Variants in CHD2 observed in about 807,000 individuals in gnomAD.
CHD2 encodes chromodomain helicase DNA binding protein 2.
In CHD2, 28 loss-of-function variants were observed where a neutral mutation model predicts 243.9. The observed-to-expected ratio is 0.11, with a 90% CI of 0.09 to 0.16. The LOEUF (loss-of-function observed/expected upper bound fraction) is 0.16. Ranked by LOEUF, CHD2 falls within the 10% of genes least tolerant of loss-of-function variation. The pLI is 1.00. For missense variants in CHD2, 1,386 were observed against 2,209.8 expected (o/e 0.63, Z 7.47); for synonymous variants, 775 against 779.0 (o/e 0.99, Z 0.09).
At position 92,900,356 on chromosome 15, in the gene CHD2, T is replaced by G; in HGVS notation, c.-540T>G. 2.6e-6 allele frequency: 1 copy of G among 388,160 alleles called. No homozygotes were observed. Among genetic ancestry groups the G allele is most frequent in the Non-Finnish European group, 4.5e-6 (1 of 220,206 alleles). The allele number at this position is 388,160 out of a possible 1,614,324, so 24.0% of individuals were successfully genotyped here. On this transcript the variant is annotated 5_prime_UTR_variant, in exon 1 of 39. Coordinates refer to ENST00000394196, the MANE Select transcript of CHD2 (RefSeq NM_001271.4). ...GGAAGGAGGCTCTAGATGGCGGCTG[T>G]GCCTTAGAGAGAGCGCGCTCTGCTC...
chr15:92,997,116 TG>T lies in CHD2; in HGVS notation c.3734+22del. On this transcript the variant is annotated intron_variant, in intron 29 of 38. Transcript: ENST00000394196. This position sits in a 1 kb window ranked among gnomAD's most constrained non-coding sequence, Gnocchi z 4.1. ...AAAAAGTGAGTATATTTTGTGTACATGCTTAGATGGTCGTACCGTAAGAAAA... is the reference window on the plus strand; with the variant it reads ...AAAAAGTGAGTATATTTTGTGTACATCTTAGATGGTCGTACCGTAAGAAAA... The T allele has an allele frequency of 6.2e-7, 1 of 1,607,214 alleles. No homozygotes were observed. The highest frequency in any genetic ancestry group is 1.1e-5 in the South Asian group (1 of 89,436).
chr15:92,972,063 G>T, intron 18 of CHD2, 136 bp downstream of exon 18: 3 of 1,074,054 alleles, frequency 2.8e-6, no homozygotes, highest in Non-Finnish European at 4.0e-6. Flanking sequence ...GGAGAGAAAA[G>T]GTAACTAAGA....
At chr15:93,007,187 G>A (rs2054332706) in intron 34 of CHD2, among the ~76,000 whole-genome samples, 1 of 152,192 alleles carries the variant, frequency 6.6e-6, no homozygotes, top group Non-Finnish European at 1.5e-5. Flanking sequence ...TCTGATTGCT[G>A]ACCAGCCTTA....
chr15:92,946,908 G>C (rs2053477865), intron 12 of CHD2: 1 of 151,342 alleles, frequency 6.6e-6, no homozygotes, highest in African/African-American at 2.4e-5. Context: ...GGCCAACCTG[G>C]GGAAGATTGT....
At chr15:92,900,942 A>C (rs115400993) in intron 1 of CHD2, 118 bp downstream of exon 1, 2 of 440,222 alleles carry the variant, frequency 4.5e-6, no homozygotes, top group Non-Finnish European at 8.0e-6. Context: ...TGTTATTTGT[A>C]TCTAGTGTGC....
In CHD2 at chr15:92,998,769, G is replaced by A; in HGVS notation, c.4008+148G>A. 1 of 1,030,696 alleles carries A rather than the reference G, an allele frequency of 9.7e-7. No individual in the cohort carries two copies. Among genetic ancestry groups the A allele is most frequent in the Non-Finnish European group, 1.4e-6 (1 of 712,898 alleles). 63.8% of individuals were successfully genotyped at this position (1,030,696 alleles called of 1,614,324 possible). A position where few individuals can be genotyped will look rare whatever the true frequency, so the allele number is the denominator to read the frequency against. ...TTGTTTTTGAGGTTCCAGTAATGAT[G>A]CTTTGCTTGGTAATAATAGAAATGT... is the stretch of plus-strand genomic sequence containing the variant. On this transcript the variant is annotated intron_variant, in intron 31 of 38. Coordinates refer to ENST00000394196, the MANE Select transcript of CHD2 (RefSeq NM_001271.4). The surrounding 1 kb of genome is among the most constrained non-coding windows in gnomAD (Gnocchi z 5.1).
chr15:92,904,232 T>TA (rs1341807875), intron 2 of CHD2, among the ~76,000 whole-genome samples: 8 of 152,202 alleles, frequency 5.3e-5, no homozygotes, highest in Non-Finnish European at 1.2e-4. Context: ...CTGACAGACA[T>TA]ACTGCATTGC....
chr15:92,919,143 A>G (rs1212425757), intron 2 of CHD2, among the ~76,000 whole-genome samples: 1 of 147,856 alleles, frequency 6.8e-6, no homozygotes, highest in African/African-American at 2.5e-5. Flanking sequence ...GGCTTGAGCC[A>G]CCATGCTCGG....
chr15:92,908,760 C>A (rs2052670296), intron 2 of CHD2, among the ~76,000 whole-genome samples: 1 of 152,092 alleles, frequency 6.6e-6, no homozygotes, highest in African/African-American at 2.4e-5. Context: ...GAATTGTAGG[C>A]TTGATGGAAG....
intron 16 of CHD2, among the ~76,000 whole-genome samples, chr15:92,963,778 C>T (rs1228872618): frequency 6.6e-6 from 1 of 152,140 alleles, no homozygotes; most frequent in East Asian, 1.9e-4. Flanking sequence ...AGGCCAGTGT[C>T]CTTTGAACTT....
intron 37 of CHD2, among the ~76,000 whole-genome samples, chr15:93,017,654 A>G (rs1307714541): frequency 1.8e-4 from 28 of 151,994 alleles, no homozygotes; most frequent in Non-Finnish European, 7.4e-5. Context: ...GCCTAAACGC[A>G]TTCTTTTTAA....
intron 2 of CHD2, among the ~76,000 whole-genome samples, chr15:92,916,142 C>G (rs1447852458): frequency 6.6e-6 from 1 of 152,220 alleles, no homozygotes; most frequent in Admixed American, 6.5e-5. Flanking sequence ...TCCGGCCTTT[C>G]CAGGCCAAAC....
At chr15:93,009,577 T>C (rs2054364865) in intron 35 of CHD2, among the ~76,000 whole-genome samples, 1 of 152,254 alleles carries the variant, frequency 6.6e-6, no homozygotes, top group South Asian at 2.1e-4. Context: ...CTGGATTTGC[T>C]GGTCTATTCT....
chr15:92,985,765 G>GTATTAGCCTCTGCCTACC, intron 26 of CHD2, 92 bp downstream of exon 26: 1 of 1,358,116 alleles, frequency 7.4e-7, no homozygotes. Flanking sequence ...GACAGGGTAG[G>GTATTAGCCTCTGCCTACC]CAGAGGCTAA....
Position 92,945,846 on chromosome 15 carries a change from G to T in CHD2, c.1179G>T (p.Leu393Phe). The T allele has an allele frequency of 6.3e-7, 1 of 1,582,030 alleles. No homozygotes were observed. Among genetic ancestry groups the T allele is most frequent in the South Asian group, 1.2e-5 (1 of 85,530 alleles). ...VIAVKTSKST[L>F]GQTDFPAHSR... ...CTGTGAAGACAAGTAAATCTACATT[G>T]GGTCAAACAGATTTTCCAGGTAAGC... The change falls in exon 11 of 39, where the codon TTG (leucine) becomes TTT (phenylalanine). Residue 393 changes from leucine to phenylalanine, a missense_variant. This residue lies in a region of CHD2 where 200 missense variants were observed against 292.5 expected (regional missense o/e 0.68). Coordinates refer to ENST00000394196, the MANE Select transcript of CHD2 (RefSeq NM_001271.4).
intron 26 of CHD2, among the ~76,000 whole-genome samples, chr15:92,989,873 C>T (rs1453990263): frequency 6.6e-6 from 1 of 152,174 alleles, no homozygotes; most frequent in African/African-American, 2.4e-5. Flanking sequence ...GTCCCAGGAG[C>T]GTGCGGAAGG....
At chr15:92,922,372 T>G (rs1200155588) in intron 2 of CHD2, among the ~76,000 whole-genome samples, 1 of 152,170 alleles carries the variant, frequency 6.6e-6, no homozygotes, top group Non-Finnish European at 1.5e-5. Flanking sequence ...ACCTGTTAGG[T>G]GATCAGGAAG....
chr15:93,016,653 G>A (rs1393226290), intron 37 of CHD2, among the ~76,000 whole-genome samples: 1 of 151,910 alleles, frequency 6.6e-6, no homozygotes, highest in African/African-American at 2.4e-5. Flanking sequence ...TAGGCGTAGT[G>A]GCGTAGTAGT....
intron 10 of CHD2, chr15:92,945,399 T>C (rs1229385221): frequency 6.8e-6 from 1 of 147,896 alleles, no homozygotes; most frequent in Non-Finnish European, 1.5e-5. Context: ...CTTCTTCTTT[T>C]TTTTTTTTTT....
Sources: allele counts gnomAD v4.1 joint callset (sites outside exome capture counted in the v4.1 genomes callset), GRCh38; gene constraint gnomAD v4.1.1; regional missense constraint gnomAD v4.1.1; non-coding constraint Gnocchi (gnomAD v3.1); transcripts MANE v1.5; gene names NCBI Gene and HGNC (gene_info 2026-07-23, HGNC 2026-07-21).